The following ATP6V0A1 variants were observed in gnomAD, a reference collection of about 807,000 sequenced individuals.
The protein encoded by ATP6V0A1 is ATPase H+ transporting V0 subunit a1.
A neutral mutation model predicts 105.4 loss-of-function variants in ATP6V0A1; 43 were observed. The ratio of observed to expected loss-of-function variants is 0.41; its 90% CI spans 0.32 to 0.53. ATP6V0A1 has a LOEUF of 0.53. Ranked by LOEUF, ATP6V0A1 falls within the 20% of genes least tolerant of loss-of-function variation. The pLI, the probability that ATP6V0A1 is intolerant of heterozygous loss-of-function variation, is 0.30. For missense variants in ATP6V0A1, 676 were observed against 1,051.1 expected (o/e 0.64, Z 4.93); for synonymous variants, 362 against 372.8 (o/e 0.97, Z 0.33).
At chr17:42,499,813 T>C (rs1343047623) in intron 15 of ATP6V0A1, among the ~76,000 whole-genome samples, 5 of 152,042 alleles carry the variant, frequency 3.3e-5, no homozygotes, top group Non-Finnish European at 7.4e-5. Flanking sequence ...GTTGATGGTC[T>C]TAAATTAGAC....
In ATP6V0A1 at chr17:42,507,638, G is replaced by A. The variant is rs755137404; in HGVS notation, c.2112+11G>A. 1.2e-5 allele frequency: 20 copies of A among 1,610,104 alleles called. No individual in the cohort carries two copies. The highest frequency in any genetic ancestry group is 2.7e-5 in the African/African-American group (2 of 74,830). ...GAGGACGCAGACGAGGTAAGATCCC[G>A]TGGTGTGGGCTTTCTCTCCTTCCAC... On this transcript the variant is annotated intron_variant, in intron 18 of 21. Coordinates refer to ENST00000343619, the MANE Select transcript of ATP6V0A1 (RefSeq NM_001130021.3).
At position 42,514,548 on chromosome 17, in the gene ATP6V0A1, G is replaced by A. The variant is rs1004102905; in HGVS notation, c.2420+88G>A. 1.1e-5 allele frequency: 15 copies of A among 1,322,012 alleles called. No individual in the cohort carries two copies. In the African/African-American group the frequency reaches 1.5e-4, roughly 13 times the overall value. The allele number at this position is 1,322,012 out of a possible 1,614,324, so 81.9% of individuals were successfully genotyped here. A position where few individuals can be genotyped will look rare whatever the true frequency, so the allele number is the denominator to read the frequency against. On this transcript the variant is annotated intron_variant, in intron 21 of 21. Coordinates refer to ENST00000343619, the MANE Select transcript of ATP6V0A1 (RefSeq NM_001130021.3). ...CAGCTTTTCTCCCACACACAGCCCT[G>A]CAGCTCTGTGCAGGAAAGATGAGCT... is the stretch of plus-strand genomic sequence containing the variant.
intron 11 of ATP6V0A1, among the ~76,000 whole-genome samples, chr17:42,493,598 C>G (rs1017149646): frequency 6.6e-5 from 10 of 152,156 alleles, no homozygotes; most frequent in African/African-American, 2.4e-4. Flanking sequence ...AAGTTCAGGA[C>G]TAGCTTGGGC....
intron 15 of ATP6V0A1, among the ~76,000 whole-genome samples, chr17:42,500,352 T>C (rs2091568756): frequency 6.6e-6 from 1 of 152,116 alleles, no homozygotes; most frequent in Non-Finnish European, 1.5e-5. Flanking sequence ...TGGTGGCGCA[T>C]GCCTGTAGTC....
Position 42,484,258 on chromosome 17 carries a change from C to T in ATP6V0A1, c.810+1127C>T, listed in dbSNP as rs147672040. On this transcript the variant is annotated intron_variant, in intron 9 of 21. Transcript: ENST00000343619. ...TTTTTTAGTAGAGACAGGGTTTCAC[C>T]GTGTTAGCCAGGATGATCTCGATCT... Among the ~76,000 whole-genome samples the T allele has an allele frequency of 5.8e-3, 878 of 151,958 alleles. 5 individuals are homozygous for T. Among genetic ancestry groups the T allele is most frequent in the Non-Finnish European group, 9.8e-3 (663 of 67,972 alleles).
At position 42,461,947 on chromosome 17, in the gene ATP6V0A1, C is replaced by A. The variant is rs190484118; in HGVS notation, c.117+936C>A. Among the ~76,000 whole-genome samples, 6 of 151,182 alleles carry A rather than the reference C, an allele frequency of 4.0e-5. No homozygotes were observed. The East Asian group carries it at 1.2e-3, about 29-fold the overall frequency. ...AGGGGCCAGGTGCAATGGCTCACAC[C>A]TGAAATGCCAGTACTTTGAGAGGCC... On this transcript the variant is annotated intron_variant, in intron 2 of 21. Transcript: ENST00000343619.
chr17:42,465,127 G>T lies in ATP6V0A1; in HGVS notation c.118-1302G>T, dbSNP rs570160471. 2.6e-5 allele frequency among the ~76,000 whole-genome samples: 4 copies of T among 151,974 alleles called. No individual in the cohort carries two copies. The South Asian group carries it at 8.3e-4, about 32-fold the overall frequency. On this transcript the variant is annotated intron_variant, in intron 2 of 21. Coordinates refer to ENST00000343619, the MANE Select transcript of ATP6V0A1 (RefSeq NM_001130021.3). ...TGTGCCTCAGCCTCCTGAGTAGCTG[G>T]GATTACAGGCATGTACCATCATGCC... is the stretch of plus-strand genomic sequence containing the variant.
At chr17:42,478,737 C>A (rs1248672819) in intron 7 of ATP6V0A1, 148 bp downstream of exon 7, 4 of 816,842 alleles carry the variant, frequency 4.9e-6, no homozygotes, top group African/African-American at 3.6e-5. Flanking sequence ...GAAGTACTTC[C>A]TCTTAGTTAA....
At chr17:42,471,652 T>C (rs1192144427) in intron 5 of ATP6V0A1, among the ~76,000 whole-genome samples, 3 of 151,908 alleles carry the variant, frequency 2.0e-5, no homozygotes, top group African/African-American at 7.3e-5. Context: ...GGGGATTGCT[T>C]GAGCCCAGGA....
In ATP6V0A1 at chr17:42,494,636, TG is replaced by T. The variant is rs371617265; in HGVS notation, c.1314+165del. The T allele has an allele frequency of 2.1e-5, 18 of 845,494 alleles. No individual in the cohort carries two copies. The African/African-American group carries it at 2.8e-4, about 13-fold the overall frequency. 52.4% of individuals were successfully genotyped at this position (845,494 alleles called of 1,614,324 possible). A position where few individuals can be genotyped will look rare whatever the true frequency, so the allele number is the denominator to read the frequency against. On this transcript the variant is annotated intron_variant, in intron 12 of 21. Transcript: ENST00000343619. ...AAAGACGACATGTGCAAGCTGGAAG[TG>T]GTAGTGTGTGCCTGTAGTCCCAGCT... is the stretch of plus-strand genomic sequence containing the variant.
intron 3 of ATP6V0A1, 77 bp downstream of exon 3, chr17:42,466,584 T>C (rs1227162539): frequency 7.4e-6 from 9 of 1,213,700 alleles, no homozygotes; most frequent in African/African-American, 1.5e-5. Context: ...GTCCTCTTAA[T>C]AGAGGAAGAA....
At chr17:42,509,443 G>A (rs572170804) in intron 19 of ATP6V0A1, among the ~76,000 whole-genome samples, 11 of 152,166 alleles carry the variant, frequency 7.2e-5, no homozygotes, top group African/African-American at 1.7e-4. Context: ...CCTGACTCTC[G>A]GTCCTCTCTA....
chr17:42,471,134 AT>A (rs1250483681), intron 5 of ATP6V0A1: 3 of 145,398 alleles, frequency 2.1e-5, no homozygotes, highest in Admixed American at 6.9e-5. Context: ...AAAAAAAAAA[AT>A]GTAGGCTGGG....
intron 2 of ATP6V0A1, among the ~76,000 whole-genome samples, chr17:42,463,682 A>T (rs2086703119): frequency 6.6e-6 from 1 of 152,206 alleles, no homozygotes; most frequent in South Asian, 2.1e-4. Context: ...AAGCAAATAC[A>T]GTTGATCCTT....
intron 2 of ATP6V0A1, among the ~76,000 whole-genome samples, chr17:42,462,044 C>T (rs1275820225): frequency 3.8e-5 from 2 of 52,898 alleles, no homozygotes; most frequent in African/African-American, 1.5e-4. Flanking sequence ...CCGTCTCTGC[C>T]AAAAAAAAAA....
chr17:42,495,426 T>C (rs569137586), intron 13 of ATP6V0A1, among the ~76,000 whole-genome samples, 200 bp from the exon 14 acceptor site: 2 of 152,060 alleles, frequency 1.3e-5, no homozygotes, highest in African/African-American at 4.8e-5. Context: ...TACTTGATTG[T>C]GTGTTTGTGT....
At chr17:42,461,187 C>T (rs2086355694) in intron 2 of ATP6V0A1, among the ~76,000 whole-genome samples, 176 bp downstream of exon 2, 1 of 152,084 alleles carries the variant, frequency 6.6e-6, no homozygotes, top group African/African-American at 2.4e-5. Flanking sequence ...TGTTTTGTGC[C>T]AATCTTTACA....
intron 2 of ATP6V0A1, among the ~76,000 whole-genome samples, chr17:42,464,702 C>T (rs147174442): frequency 2.0e-5 from 3 of 152,152 alleles, no homozygotes; most frequent in Non-Finnish European, 4.4e-5. Flanking sequence ...CGTGCCCGGC[C>T]AATGTGCTTG....
chr17:42,502,612 T>G (rs1270610040), intron 17 of ATP6V0A1, among the ~76,000 whole-genome samples: 1 of 152,152 alleles, frequency 6.6e-6, no homozygotes, highest in Non-Finnish European at 1.5e-5. Context: ...ACGATCTTGT[T>G]GCATGACTCT....
Sources: allele counts gnomAD v4.1 joint callset (sites outside exome capture counted in the v4.1 genomes callset), GRCh38; gene constraint gnomAD v4.1.1; transcripts MANE v1.5; gene names NCBI Gene and HGNC (gene_info 2026-07-23, HGNC 2026-07-21).